The following AGBL1 variants were observed in gnomAD, a reference collection of about 807,000 sequenced individuals.
AGBL1 encodes AGBL carboxypeptidase 1.
Under a neutral mutation model 118.9 loss-of-function variants are expected in AGBL1, and 130 were observed. The ratio of observed to expected loss-of-function variants is 1.09; its 90% CI spans 0.95 to 1.26. The LOEUF is 1.26. Ranked by LOEUF, AGBL1 falls within the 50% of genes most tolerant of loss-of-function variation. AGBL1 has a pLI of 0.00. For missense variants in AGBL1, 1,584 were observed against 1,298.1 expected, an observed-to-expected ratio of 1.22 and a Z score of -3.38; for synonymous variants, 555 against 478.9, an observed-to-expected ratio of 1.16 and a Z score of -2.08.
intron 23 of AGBL1, among the ~76,000 whole-genome samples, chr15:86,963,289 T>C (rs2081012517): frequency 6.6e-6 from 1 of 152,118 alleles, no homozygotes. Flanking sequence ...ACACGTAGTA[T>C]ACAGAATCCT....
intron 17 of AGBL1, among the ~76,000 whole-genome samples, chr15:86,330,443 G>T (rs1156238383): frequency 1.3e-5 from 2 of 151,916 alleles, no homozygotes; most frequent in Non-Finnish European, 2.9e-5. Flanking sequence ...GAGGGGAAAG[G>T]GAAAGAAAAA....
intron 22 of AGBL1, among the ~76,000 whole-genome samples, chr15:86,906,522 T>A (rs1479126204): frequency 6.6e-6 from 1 of 152,208 alleles, no homozygotes; most frequent in South Asian, 2.1e-4. Context: ...CCATTCATCA[T>A]GATGAAGGAG....
At chr15:86,111,564 G>A (rs7180828) in intron 1 of AGBL1, among the ~76,000 whole-genome samples, 33,319 of 152,114 alleles carry the variant, frequency 0.22, 3,781 homozygotes, top group Middle Eastern at 0.3. Context: ...TTGGCCTGCT[G>A]CTTTGGTATG....
chr15:86,773,512 C>A lies in AGBL1; in HGVS notation c.3158+99076C>A, dbSNP rs567566081. ...TGCTATCCCTCCCCCCTCCCCCCAC[C>A]CCACAACAGGCCCTGGTGTGTGATG... On this transcript the variant is annotated intron_variant, in intron 22 of 22. Coordinates refer to ENST00000614907, the MANE Select transcript of AGBL1 (RefSeq NM_001386094.1). Among the ~76,000 whole-genome samples, 379 of 122,750 alleles carry A rather than the reference C, an allele frequency of 3.1e-3. 1 individual carries two copies. Among genetic ancestry groups the A allele is most frequent in the Non-Finnish European group, 4.9e-3 (300 of 60,656 alleles). The allele number at this position is 122,750 out of a possible 152,430, so 80.5% of individuals were successfully genotyped here. A position where few individuals can be genotyped will look rare whatever the true frequency, so the allele number is the denominator to read the frequency against.
chr15:86,916,254 C>G (rs1193079012), downstream of AGBL1: 1 of 152,216 alleles, frequency 6.6e-6, no homozygotes, highest in East Asian at 1.9e-4. Context: ...AAGCGTGTCC[C>G]TTGCTTCATT....
chr15:86,291,789 C>T (rs906410965), intron 16 of AGBL1, among the ~76,000 whole-genome samples: 2 of 152,076 alleles, frequency 1.3e-5, no homozygotes, highest in African/African-American at 2.4e-5. Flanking sequence ...AGTTAGTCAT[C>T]TTGTATTCTC....
intron 22 of AGBL1, among the ~76,000 whole-genome samples, chr15:86,819,138 G>A (rs1419801153): frequency 6.6e-6 from 1 of 151,928 alleles, no homozygotes. Flanking sequence ...AAAAGAAAGT[G>A]ATGGGGGCAA....
At chr15:86,797,140 A>G (rs190493672) in intron 22 of AGBL1, among the ~76,000 whole-genome samples, 201 of 152,330 alleles carry the variant, frequency 1.3e-3, no homozygotes, top group African/African-American at 4.7e-3. Flanking sequence ...TGCATGGGAT[A>G]TTTGTAGCAC....
chr15:86,133,983 T>C (rs963051397), intron 1 of AGBL1, among the ~76,000 whole-genome samples: 15 of 152,210 alleles, frequency 9.9e-5, no homozygotes, highest in Non-Finnish European at 2.1e-4. Context: ...GAAACAAATA[T>C]CATAGTTATT....
intron 17 of AGBL1, among the ~76,000 whole-genome samples, chr15:86,377,566 A>T (rs2081056986): frequency 6.6e-6 from 1 of 152,204 alleles, no homozygotes; most frequent in Admixed American, 6.5e-5. Flanking sequence ...ATTATTTCTT[A>T]TCAGGTCCCA....
chr15:86,498,999 C>T (rs8040199), intron 18 of AGBL1, among the ~76,000 whole-genome samples: 14,059 of 151,784 alleles, frequency 0.093, 2,271 homozygotes, highest in African/African-American at 0.32. Context: ...TCTACAGAAA[C>T]GGCCTGTGTG....
chr15:86,767,360 A>G (rs2078110532), intron 22 of AGBL1, among the ~76,000 whole-genome samples: 1 of 151,936 alleles, frequency 6.6e-6, no homozygotes, highest in South Asian at 2.1e-4. Flanking sequence ...AAGTAAAGCC[A>G]AGCTAGGGAA....
At chr15:86,857,851 A>T (rs2079505260) in intron 22 of AGBL1, among the ~76,000 whole-genome samples, 1 of 152,106 alleles carries the variant, frequency 6.6e-6, no homozygotes, top group African/African-American at 2.4e-5. Context: ...CCTGGAATCC[A>T]TTCTTTCATT....
chr15:86,152,713 T>A (rs544276360), intron 3 of AGBL1, among the ~76,000 whole-genome samples: 1 of 152,096 alleles, frequency 6.6e-6, no homozygotes, highest in Admixed American at 6.6e-5. Context: ...GAAACTACCA[T>A]CAGAGTGAAC....
At chr15:86,824,003 C>T (rs557688946) in intron 22 of AGBL1, among the ~76,000 whole-genome samples, 3 of 152,026 alleles carry the variant, frequency 2.0e-5, no homozygotes, top group African/African-American at 4.8e-5. Context: ...ATGTTTTCCC[C>T]TGATGATTGG....
intron 18 of AGBL1, among the ~76,000 whole-genome samples, chr15:86,409,744 T>C (rs935024271): frequency 2.6e-5 from 4 of 152,284 alleles, no homozygotes; most frequent in Admixed American, 1.3e-4. Flanking sequence ...TGCAGAATCA[T>C]TGATCAAGTT....
At chr15:86,833,618 T>G (rs1393368100) in intron 22 of AGBL1, among the ~76,000 whole-genome samples, 2 of 152,114 alleles carry the variant, frequency 1.3e-5, no homozygotes, top group East Asian at 3.9e-4. Flanking sequence ...ATCAGCAACA[T>G]GAAAACGAAC....
At chr15:86,132,111 G>A (rs915175977) in intron 1 of AGBL1, among the ~76,000 whole-genome samples, 12 of 152,096 alleles carry the variant, frequency 7.9e-5, no homozygotes, top group African/African-American at 2.7e-4. Context: ...CCCGAGTAGC[G>A]GAGTACCCAC....
intron 22 of AGBL1, among the ~76,000 whole-genome samples, chr15:86,726,388 C>T (rs1233941266): frequency 2.6e-5 from 4 of 152,104 alleles, no homozygotes; most frequent in Non-Finnish European, 5.9e-5. Context: ...TAACTGGATC[C>T]AAATCTCAGC....
Sources: allele counts gnomAD v4.1 joint callset (sites outside exome capture counted in the v4.1 genomes callset), GRCh38; gene constraint gnomAD v4.1.1; transcripts MANE v1.5; gene names NCBI Gene and HGNC (gene_info 2026-07-23, HGNC 2026-07-21).